PRKG1: variants seen among roughly 807,000 people sequenced by gnomAD.
PRKG1 encodes the protein cGMP-dependent protein kinase 1.
In PRKG1, 35 loss-of-function variants were observed where a neutral mutation model predicts 88.1. The observed-to-expected ratio is 0.40, with a 90% CI of 0.30 to 0.53. The LOEUF (loss-of-function observed/expected upper bound fraction) is 0.53. PRKG1 is among the 20% of genes least tolerant of loss of function. The pLI, the probability that PRKG1 is intolerant of heterozygous loss-of-function variation, is 0.59. For missense variants in PRKG1, 540 were observed against 839.8 expected, an observed-to-expected ratio of 0.64 and a Z score of 4.41; for synonymous variants, 303 against 292.5, an observed-to-expected ratio of 1.04 and a Z score of -0.37.
At chr10:51,778,628 T>C (rs1838504270) in intron 3 of PRKG1, among the ~76,000 whole-genome samples, 1 of 152,192 alleles carries the variant, frequency 6.6e-6, no homozygotes, top group Admixed American at 6.6e-5. Flanking sequence ...GTGAGTGATA[T>C]AAGACTGGAT....
At chr10:51,258,391 C>T (rs544586966) in intron 2 of PRKG1, among the ~76,000 whole-genome samples, 1 of 152,326 alleles carries the variant, frequency 6.6e-6, no homozygotes, top group East Asian at 1.9e-4. Flanking sequence ...AAATGATTTT[C>T]TTTCTGGCTT....
At chr10:51,377,388 C>T (rs1203009451) in intron 2 of PRKG1, among the ~76,000 whole-genome samples, 1 of 152,134 alleles carries the variant, frequency 6.6e-6, no homozygotes, top group Non-Finnish European at 1.5e-5. Flanking sequence ...AAATGAAGGC[C>T]ATTACTATCA....
chr10:51,807,302 T>C (rs1367766452), intron 4 of PRKG1, among the ~76,000 whole-genome samples: 4 of 152,152 alleles, frequency 2.6e-5, no homozygotes, highest in African/African-American at 9.7e-5. Context: ...AAATCAAATG[T>C]AGGAACCTTG....
intron 2 of PRKG1, among the ~76,000 whole-genome samples, chr10:51,164,231 A>G (rs983918576): frequency 2.6e-5 from 4 of 152,278 alleles, no homozygotes; most frequent in African/African-American, 7.2e-5. Flanking sequence ...AGCAGCATTC[A>G]CGGTTCACGA....
At chr10:51,760,116 T>G (rs1837980355) in intron 3 of PRKG1, among the ~76,000 whole-genome samples, 2 of 152,178 alleles carry the variant, frequency 1.3e-5, no homozygotes, top group African/African-American at 4.8e-5. Context: ...TCTACCACTA[T>G]TTTTTTGATG....
chr10:51,206,775 C>T (rs761930200), intron 2 of PRKG1, among the ~76,000 whole-genome samples: 1 of 152,180 alleles, frequency 6.6e-6, no homozygotes, highest in Non-Finnish European at 1.5e-5. Flanking sequence ...GAAACTGAAA[C>T]TCAACTGCAG....
intron 5 of PRKG1, among the ~76,000 whole-genome samples, chr10:52,032,285 A>G (rs375283476): frequency 6.6e-6 from 1 of 152,234 alleles, no homozygotes; most frequent in Non-Finnish European, 1.5e-5. Context: ...TAGAAAATCA[A>G]ACTGTGAGCA....
chr10:51,522,933 T>C (rs138887622), intron 3 of PRKG1, among the ~76,000 whole-genome samples: 21 of 152,328 alleles, frequency 1.4e-4, no homozygotes, highest in African/African-American at 5.1e-4. Context: ...GACAACAAAT[T>C]ACTTGGGTCC....
rs138796689 is a variant in PRKG1, at chr10:52,204,433, C to A, written c.1076+42470C>A. Among the ~76,000 whole-genome samples, 723 of 152,170 alleles carry A rather than the reference C, an allele frequency of 4.8e-3. 4 individuals carry two copies. Among genetic ancestry groups the A allele is most frequent in the African/African-American group, 0.017 (692 of 41,504 alleles). ...TTGATTTTGTAGTTGCTTTATAATGCGTTGTGGGAAGTCAGGGACCCCGAA... is the reference window on the plus strand; with the variant it reads ...TTGATTTTGTAGTTGCTTTATAATGAGTTGTGGGAAGTCAGGGACCCCGAA... On this transcript the variant is annotated intron_variant, in intron 9 of 17. Transcript: ENST00000373980.
At chr10:51,156,297 GCA>G (rs755618670) in intron 2 of PRKG1, among the ~76,000 whole-genome samples, 3 of 35,084 alleles carry the variant, frequency 8.6e-5, no homozygotes, top group Non-Finnish European at 1.1e-4. Flanking sequence ...TTTGATGCAA[GCA>G]CACACACACA....
chr10:51,707,167 C>T (rs1314351188), intron 3 of PRKG1, among the ~76,000 whole-genome samples: 2 of 152,010 alleles, frequency 1.3e-5, no homozygotes, highest in African/African-American at 4.8e-5. Context: ...AGAATTTTAC[C>T]GATCATCTTG....
chr10:51,284,865 C>CTTTTTTTTTTTTTTTTTTTTTTTTGATT (rs5784867), intron 2 of PRKG1, among the ~76,000 whole-genome samples: 1 of 51,698 alleles, frequency 1.9e-5, no homozygotes, highest in African/African-American at 7.2e-5. Flanking sequence ...GTTGTGGGTA[C>CTTTTTTTTTTTTTTTTTTTTTTTTGATT]TTTTTTTTTT....
intron 2 of PRKG1, among the ~76,000 whole-genome samples, chr10:51,301,975 A>G (rs147569441): frequency 6.6e-6 from 1 of 152,282 alleles, no homozygotes; most frequent in East Asian, 1.9e-4. Flanking sequence ...CTCTTCTAAG[A>G]CGTGACCTTA....
intron 2 of PRKG1, among the ~76,000 whole-genome samples, chr10:51,377,937 G>A (rs957350045): frequency 6.6e-6 from 1 of 152,192 alleles, no homozygotes; most frequent in African/African-American, 2.4e-5. Context: ...ACCTGGGTTA[G>A]ACTCCTGGCT....
chr10:52,106,749 A>AT (rs1554804710), intron 7 of PRKG1, among the ~76,000 whole-genome samples: 8 of 148,182 alleles, frequency 5.4e-5, no homozygotes, highest in South Asian at 4.2e-4. Flanking sequence ...AATAATAATA[A>AT]AGTAAATAAA....
chr10:51,394,162 C>A (rs768950996), intron 2 of PRKG1, among the ~76,000 whole-genome samples: 3 of 152,162 alleles, frequency 2.0e-5, no homozygotes, highest in Admixed American at 6.5e-5. Flanking sequence ...ACTTTATTAT[C>A]TTTCACAGTC....
rs532174386 is a variant in PRKG1 at position 51,277,102 on chromosome 10, G to A, written c.478+123772G>A. On this transcript the variant is annotated intron_variant, in intron 2 of 17. Coordinates refer to ENST00000373980, the MANE Select transcript of PRKG1 (RefSeq NM_006258.4). ...GGGTTTTTATGGTTTTAGGTCTAAC[G>A]TTTAAGTCTTTAATCCATATTGAAT... Among the ~76,000 whole-genome samples the A allele has an allele frequency of 2.3e-3, 343 of 152,178 alleles. 5 individuals are homozygous for A. The highest frequency in any genetic ancestry group is 6.8e-3 in the Middle Eastern group (2 of 294).
intron 3 of PRKG1, among the ~76,000 whole-genome samples, chr10:51,739,850 G>A (rs919058330): frequency 2.0e-5 from 3 of 152,174 alleles, no homozygotes; most frequent in Non-Finnish European, 4.4e-5. Flanking sequence ...GCGCATGCCT[G>A]TAGTCCCAGG....
In PRKG1 at chr10:51,113,752, A is replaced by G. The variant is rs932645377; in HGVS notation, c.311+38851A>G. Among the ~76,000 whole-genome samples, 10 of 147,444 alleles carry G rather than the reference A, an allele frequency of 6.8e-5. No homozygotes were observed. The East Asian group carries it at 1.6e-3, about 23-fold the overall frequency. On this transcript the variant is annotated intron_variant, in intron 1 of 17. Transcript: ENST00000373980. ...TTAAAAAAAAAAAAAAAAAAAAACT[A>G]AAAGAAGAGGAAAAGTGAAAGCCTC...
Sources: allele counts gnomAD v4.1 joint callset (sites outside exome capture counted in the v4.1 genomes callset), GRCh38; gene constraint gnomAD v4.1.1; transcripts MANE v1.5; gene names NCBI Gene and HGNC (gene_info 2026-07-23, HGNC 2026-07-21).